The following ESR1 variants were observed in gnomAD, a reference collection of about 807,000 sequenced individuals.
ESR1 encodes the protein estrogen receptor.
In ESR1, 12 loss-of-function variants were observed where a neutral mutation model predicts 52.7. The ratio of observed to expected loss-of-function variants is 0.23; its 90% CI spans 0.15 to 0.37. The LOEUF (loss-of-function observed/expected upper bound fraction) is 0.37, where lower values mean the gene tolerates loss of function less well. Ranked by LOEUF, ESR1 falls within the 10% of genes least tolerant of loss-of-function variation. The pLI is 1.00. For synonymous variants in ESR1, 305 were observed against 316.8 expected, an observed-to-expected ratio of 0.96 and a Z score of 0.39; for missense variants, 584 against 779.7, an observed-to-expected ratio of 0.75 and a Z score of 2.99.
rs1476726031 is a variant in ESR1 at position 152,101,725 on chromosome 6, G to C, written c.*2759G>C. 4.3e-6 allele frequency: 1 copy of C among 230,584 alleles called. No homozygotes were observed. Among genetic ancestry groups the C allele is most frequent in the Non-Finnish European group, 8.6e-6 (1 of 116,498 alleles). 14.3% of individuals were successfully genotyped at this position (230,584 alleles called of 1,614,324 possible). A position where few individuals can be genotyped will look rare whatever the true frequency, so the allele number is the denominator to read the frequency against. On this transcript the variant is annotated 3_prime_UTR_variant, in exon 8 of 8. Transcript: ENST00000206249. ...GTAAAAGATGTGATTTATCTGGGGG[G>C]CTCAGGTATGGTGGGGAAGTGGATT...
At chr6:151,880,364 G>C (rs1240606435) in intron 2 of ESR1, among the ~76,000 whole-genome samples, 1 of 151,874 alleles carries the variant, frequency 6.6e-6, no homozygotes, top group Non-Finnish European at 1.5e-5. Context: ...TGTATTTTTA[G>C]TAGAGACGGG....
chr6:151,790,399 A>G (rs993224155), intron 2 of ESR1, among the ~76,000 whole-genome samples: 3 of 152,140 alleles, frequency 2.0e-5, no homozygotes, highest in African/African-American at 7.2e-5. Flanking sequence ...AATACTTCCA[A>G]GGGTTTTGGT....
intron 1 of ESR1, among the ~76,000 whole-genome samples, chr6:151,667,942 G>A (rs1212182631): frequency 1.3e-5 from 2 of 152,172 alleles, no homozygotes; most frequent in Non-Finnish European, 2.9e-5. Context: ...GTGCATTCAT[G>A]GGCAAAATGC....
chr6:151,784,843 T>A (rs188902196), intron 2 of ESR1, among the ~76,000 whole-genome samples: 1 of 152,356 alleles, frequency 6.6e-6, no homozygotes, highest in African/African-American at 2.4e-5. Flanking sequence ...ATTTATTGGT[T>A]GGCTGGTGCA....
intron 1 of ESR1, among the ~76,000 whole-genome samples, chr6:151,821,370 G>C (rs1005407339): frequency 2.0e-5 from 3 of 152,142 alleles, no homozygotes; most frequent in Admixed American, 6.5e-5. Flanking sequence ...ATTGGTATAT[G>C]GTTCACGTGA....
intron 3 of ESR1, among the ~76,000 whole-genome samples, chr6:151,901,102 G>C (rs540637694): frequency 6.6e-6 from 1 of 152,262 alleles, no homozygotes; most frequent in East Asian, 1.9e-4. Context: ...GACTCTCCTC[G>C]GGTGAGTCTT....
At chr6:152,027,576 T>C (rs1258646898) in intron 5 of ESR1, among the ~76,000 whole-genome samples, 1 of 150,396 alleles carries the variant, frequency 6.6e-6, no homozygotes, top group African/African-American at 2.4e-5. Context: ...TTACATTTTT[T>C]CTCAAGTATT....
intron 3 of ESR1, among the ~76,000 whole-genome samples, chr6:151,908,999 C>G (rs2128428414): frequency 6.6e-6 from 1 of 152,128 alleles, no homozygotes; most frequent in Admixed American, 6.5e-5. Flanking sequence ...CAAGTACATA[C>G]TGTTCTGAAA....
chr6:152,068,424 G>A (rs919119859), intron 6 of ESR1, among the ~76,000 whole-genome samples: 1 of 152,048 alleles, frequency 6.6e-6, no homozygotes, highest in Non-Finnish European at 1.5e-5. Context: ...AATTCATCTG[G>A]GGGTGTGGAG....
At chr6:152,105,306 TG>T (rs553863584), downstream of ESR1, among the ~76,000 whole-genome samples, 9 of 152,160 alleles carry the variant, frequency 5.9e-5, no homozygotes, top group African/African-American at 1.7e-4. Flanking sequence ...GTGTCTGAGA[TG>T]GGGGGCAGTC....
At chr6:151,779,306 C>CATAT (rs1403253467) in intron 2 of ESR1, among the ~76,000 whole-genome samples, 1 of 152,184 alleles carries the variant, frequency 6.6e-6, no homozygotes, top group African/African-American at 2.4e-5. Context: ...CAGTTTTCTG[C>CATAT]ATATGGCTAG....
upstream of ESR1, among the ~76,000 whole-genome samples, chr6:151,799,818 G>C (rs1377920011): frequency 6.6e-6 from 1 of 152,220 alleles, no homozygotes; most frequent in African/African-American, 2.4e-5. Flanking sequence ...GATGAAAAGG[G>C]ATGGGAGGAA....
At chr6:152,103,659 G>A (rs1176208155), downstream of ESR1, among the ~76,000 whole-genome samples, 2 of 152,198 alleles carry the variant, frequency 1.3e-5, no homozygotes, top group Non-Finnish European at 1.5e-5. Context: ...ATCCTTCCCT[G>A]TGAGGGAGAA....
At chr6:151,886,770 G>A (rs1793912826) in intron 3 of ESR1, among the ~76,000 whole-genome samples, 2 of 152,122 alleles carry the variant, frequency 1.3e-5, no homozygotes, top group South Asian at 4.2e-4. Flanking sequence ...GCTGGCCATG[G>A]TGGCTCACAC....
At chr6:151,697,772 A>G (rs1164406955) in intron 1 of ESR1, among the ~76,000 whole-genome samples, 3 of 146,010 alleles carry the variant, frequency 2.1e-5, no homozygotes, top group African/African-American at 7.4e-5. Context: ...TTATGATTCT[A>G]TAGCTTTTGC....
chr6:151,667,940 A>C (rs1051133599), intron 1 of ESR1, among the ~76,000 whole-genome samples: 4 of 152,256 alleles, frequency 2.6e-5, no homozygotes, highest in Non-Finnish European at 4.4e-5. Context: ...AAGTGCATTC[A>C]TGGGCAAAAT....
chr6:151,775,589 T>TA (rs1232270189), intron 2 of ESR1, among the ~76,000 whole-genome samples: 2 of 151,122 alleles, frequency 1.3e-5, no homozygotes, highest in Non-Finnish European at 2.9e-5. Flanking sequence ...CTACTAAAAA[T>TA]ACAAAAAAAT....
chr6:151,668,277 CT>C (rs1005778012), intron 1 of ESR1, among the ~76,000 whole-genome samples: 2 of 131,476 alleles, frequency 1.5e-5, no homozygotes, highest in African/African-American at 5.3e-5. Flanking sequence ...AGGAAAAACC[CT>C]TTTTTTTTCT....
intron 2 of ESR1, among the ~76,000 whole-genome samples, chr6:151,851,068 A>G (rs1322490802): frequency 1.3e-5 from 2 of 152,184 alleles, no homozygotes; most frequent in Non-Finnish European, 2.9e-5. Flanking sequence ...TGGTCCTTAA[A>G]CAAGAGTTCA....
Sources: allele counts gnomAD v4.1 joint callset (sites outside exome capture counted in the v4.1 genomes callset), GRCh38; gene constraint gnomAD v4.1.1; transcripts MANE v1.5; gene names NCBI Gene and HGNC (gene_info 2026-07-23, HGNC 2026-07-21).